Variants in LARGE1 observed in about 807,000 individuals in gnomAD.
LARGE1 encodes the protein xylosyl- and glucuronyltransferase LARGE1.
LARGE1 carries 43 observed loss-of-function variants against 87.6 expected under a neutral mutation model. The observed-to-expected ratio is 0.49, with a 90% CI of 0.38 to 0.63. The LOEUF (loss-of-function observed/expected upper bound fraction) is 0.63. Ranked by LOEUF, LARGE1 falls within the 30% of genes least tolerant of loss-of-function variation. LARGE1 has a pLI of 0.00. For missense variants in LARGE1, 802 were observed against 1,000.2 expected, an observed-to-expected ratio of 0.80 and a Z score of 2.67; for synonymous variants, 434 against 394.6, an observed-to-expected ratio of 1.10 and a Z score of -1.18.
intron 11 of LARGE1, among the ~76,000 whole-genome samples, chr22:33,224,319 G>GATGAACGGACAGATGA (rs137470): frequency 2.0e-5 from 3 of 151,892 alleles, no homozygotes; most frequent in African/African-American, 7.3e-5. Context: ...AAAAGTGCTG[G>GATGAACGGACAGATGA]ATAAATGCCC....
At chr22:33,256,631 T>C (rs1049409602) in intron 11 of LARGE1, among the ~76,000 whole-genome samples, 15 of 152,302 alleles carry the variant, frequency 9.8e-5, no homozygotes, top group African/African-American at 3.6e-4. Context: ...CAGTCATGCA[T>C]GTGGAAGAAG....
At chr22:33,471,787 C>T (rs576336546) in intron 6 of LARGE1, among the ~76,000 whole-genome samples, 7 of 152,124 alleles carry the variant, frequency 4.6e-5, no homozygotes, top group Non-Finnish European at 1.0e-4. Flanking sequence ...GTAATCCCAG[C>T]ACTTTGGGAG....
chr22:33,350,439 A>T (rs947181397), intron 9 of LARGE1, among the ~76,000 whole-genome samples: 1 of 152,162 alleles, frequency 6.6e-6, no homozygotes, highest in Non-Finnish European at 1.5e-5. Flanking sequence ...TTCACATTTT[A>T]GCCTCCCCAC....
At chr22:33,842,014 C>T (rs896457652) in intron 1 of LARGE1, among the ~76,000 whole-genome samples, 2 of 152,212 alleles carry the variant, frequency 1.3e-5, no homozygotes, top group African/African-American at 4.8e-5. Context: ...AAACTGCCAA[C>T]AGGACTTCAA....
intron 2 of LARGE1, among the ~76,000 whole-genome samples, chr22:33,669,699 C>A (rs1485908002): frequency 1.3e-5 from 2 of 152,180 alleles, no homozygotes; most frequent in African/African-American, 4.8e-5. Context: ...CCCCAAGCCT[C>A]CATCACCTCT....
chr22:33,908,338 G>C (rs1349185310), intron 1 of LARGE1, among the ~76,000 whole-genome samples: 2 of 152,126 alleles, frequency 1.3e-5, no homozygotes, highest in East Asian at 3.9e-4. Context: ...TGCAGATGCG[G>C]TTCAGTGCTC....
At chr22:33,402,371 T>C (rs2065953722) in intron 7 of LARGE1, among the ~76,000 whole-genome samples, 1 of 152,214 alleles carries the variant, frequency 6.6e-6, no homozygotes, top group South Asian at 2.1e-4. Flanking sequence ...AGTGGCAGAA[T>C]ACAGGCTTGA....
chr22:33,084,150 T>C, the LARGE1 span, among the ~76,000 whole-genome samples: 4 of 152,204 alleles, frequency 2.6e-5, no homozygotes, highest in African/African-American at 9.6e-5. Flanking sequence ...TACTCCTCTT[T>C]TAAGATCAAA....
At chr22:33,399,538 G>A (rs1029467865) in intron 7 of LARGE1, among the ~76,000 whole-genome samples, 3 of 152,196 alleles carry the variant, frequency 2.0e-5, no homozygotes, top group South Asian at 4.1e-4. Flanking sequence ...GTGGAAGACA[G>A]CGTGGCGATT....
chr22:33,395,555 G>A (rs1483659982), intron 7 of LARGE1, among the ~76,000 whole-genome samples: 2 of 152,210 alleles, frequency 1.3e-5, no homozygotes, highest in African/African-American at 2.4e-5. Flanking sequence ...TATGAAAACT[G>A]TTTAAGAGAA....
At chr22:33,299,030 G>A (rs538715420) in intron 12 of LARGE1, among the ~76,000 whole-genome samples, 53 of 151,948 alleles carry the variant, frequency 3.5e-4, no homozygotes, top group African/African-American at 1.3e-3. Context: ...GCAACATAGC[G>A]AAACCCTGTC....
At chr22:33,691,927 T>C (rs761021287) in intron 2 of LARGE1, among the ~76,000 whole-genome samples, 10 of 152,218 alleles carry the variant, frequency 6.6e-5, no homozygotes, top group Non-Finnish European at 1.5e-4. Context: ...GGGTTTACAG[T>C]ATCTTGAATA....
At chr22:33,388,599 T>A (rs2065407613) in intron 7 of LARGE1, among the ~76,000 whole-genome samples, 1 of 152,188 alleles carries the variant, frequency 6.6e-6, no homozygotes, top group South Asian at 2.1e-4. Flanking sequence ...AGAGTCTTGC[T>A]CTGCTGCCCA....
intron 11 of LARGE1, among the ~76,000 whole-genome samples, chr22:33,225,139 C>T (rs928205053): frequency 2.0e-5 from 3 of 152,192 alleles, no homozygotes; most frequent in African/African-American, 4.8e-5. Flanking sequence ...TCCACATCTA[C>T]TCTGATGTCA....
At chr22:33,272,278 G>T (rs569368564), downstream of LARGE1, among the ~76,000 whole-genome samples, 4 of 152,320 alleles carry the variant, frequency 2.6e-5, no homozygotes, top group South Asian at 8.3e-4. Flanking sequence ...GGAAGGAGGA[G>T]AAATTAGTGA....
intron 5 of LARGE1, among the ~76,000 whole-genome samples, chr22:33,574,564 G>T (rs190991749): frequency 6.6e-6 from 1 of 152,082 alleles, no homozygotes; most frequent in Admixed American, 6.6e-5. Flanking sequence ...ACAACAATCA[G>T]ATAGAGATGT....
chr22:33,650,687 G>A lies in LARGE1; in HGVS notation c.107-19C>T, dbSNP rs140690091. 1.3e-6 allele frequency: 2 copies of A among 1,598,048 alleles called. No individual in the cohort carries two copies. Among genetic ancestry groups the A allele is most frequent in the East Asian group, 4.5e-5 (2 of 44,862 alleles). On this transcript the variant is annotated intron_variant, in intron 2 of 14. Coordinates refer to ENST00000397394, the MANE Select transcript of LARGE1 (RefSeq NM_133642.5). Reference sequence around the variant, plus strand: ...TTTCCATCTGGGGAGCGAAACACCAGGGAAGCTTTAATCTGGATGAACCAT... The same window carrying A: ...TTTCCATCTGGGGAGCGAAACACCAAGGAAGCTTTAATCTGGATGAACCAT...
chr22:33,472,767 T>C (rs2068900105), intron 6 of LARGE1, among the ~76,000 whole-genome samples: 1 of 152,256 alleles, frequency 6.6e-6, no homozygotes, highest in South Asian at 2.1e-4. Flanking sequence ...TAGCAAAGCA[T>C]CTACCATGTA....
chr22:33,733,521 A>G (rs1204615041), intron 2 of LARGE1: 1 of 152,234 alleles, frequency 6.6e-6, no homozygotes, highest in Non-Finnish European at 1.5e-5. Flanking sequence ...TCAAATAGAG[A>G]TGACACATAT....
Sources: gnomAD v4.1 joint callset for allele counts (sites outside exome capture counted in the v4.1 genomes callset) on GRCh38, gnomAD v4.1.1 for gene constraint, MANE v1.5 for transcripts, NCBI Gene and HGNC (gene_info 2026-07-23, HGNC 2026-07-21) for gene names.